The following MSI2 variants were observed in gnomAD, a reference collection of about 807,000 sequenced individuals.
MSI2 encodes RNA-binding protein Musashi homolog 2.
Under a neutral mutation model 45.6 loss-of-function variants are expected in MSI2, and 17 were observed. That is an observed-to-expected ratio of 0.37 (90% CI 0.26 to 0.56). MSI2 has a LOEUF of 0.56. Ranked by LOEUF, MSI2 falls within the 20% of genes least tolerant of loss-of-function variation. MSI2 has a pLI of 0.77. For synonymous variants in MSI2, 156 were observed against 158.2 expected (o/e 0.99, Z 0.11); for missense variants, 293 against 444.2 (o/e 0.66, Z 3.06).
At chr17:57,491,775 C>G (rs1053304818) in intron 6 of MSI2, among the ~76,000 whole-genome samples, 2 of 152,128 alleles carry the variant, frequency 1.3e-5, no homozygotes, top group Non-Finnish European at 2.9e-5. Flanking sequence ...CACGACTGCT[C>G]TAATGATAGG....
At chr17:57,500,589 G>A (rs1462215211) in intron 6 of MSI2, among the ~76,000 whole-genome samples, 4 of 151,788 alleles carry the variant, frequency 2.6e-5, no homozygotes, top group Non-Finnish European at 4.4e-5. Flanking sequence ...TGTAGGGTGT[G>A]TGTGTTGACC....
chr17:57,397,755 C>T (rs1019942585), intron 5 of MSI2, among the ~76,000 whole-genome samples: 1 of 152,222 alleles, frequency 6.6e-6, no homozygotes. Flanking sequence ...TGTGCACAGC[C>T]CTGTCGCCCC....
intron 6 of MSI2, among the ~76,000 whole-genome samples, chr17:57,435,044 G>A (rs1358521803): frequency 2.6e-5 from 4 of 152,170 alleles, no homozygotes; most frequent in African/African-American, 9.7e-5. Context: ...TCTTTGCTAT[G>A]AAGAAAATTT....
intron 5 of MSI2, among the ~76,000 whole-genome samples, chr17:57,297,788 A>C (rs1911107720): frequency 6.6e-6 from 1 of 152,186 alleles, no homozygotes; most frequent in Non-Finnish European, 1.5e-5. Context: ...CCTTCCCAAC[A>C]ACGTGCACAT....
chr17:57,364,438 A>G (rs2143920880), intron 5 of MSI2, among the ~76,000 whole-genome samples: 1 of 152,388 alleles, frequency 6.6e-6, no homozygotes, highest in Admixed American at 6.5e-5. Flanking sequence ...AGTTAAGTGC[A>G]GAAATTTAAT....
intron 5 of MSI2, among the ~76,000 whole-genome samples, chr17:57,315,077 T>C (rs950190631): frequency 6.6e-6 from 1 of 152,160 alleles, no homozygotes; most frequent in African/African-American, 2.4e-5. Flanking sequence ...AATTTTTCTG[T>C]GCAGCCAGGA....
the MSI2 span, among the ~76,000 whole-genome samples, chr17:57,698,740 G>C: frequency 2.7e-4 from 41 of 152,176 alleles, no homozygotes; most frequent in Middle Eastern, 0.01. Context: ...CATTTGAATG[G>C]GTAATACAGT....
intron 11 of MSI2, among the ~76,000 whole-genome samples, chr17:57,654,366 G>A (rs1911426422): frequency 6.6e-6 from 1 of 152,252 alleles, no homozygotes; most frequent in Non-Finnish European, 1.5e-5. Context: ...GTTTGGGAAA[G>A]GAAGCGTTCT....
chr17:57,332,174 C>G (rs748189459), intron 5 of MSI2, among the ~76,000 whole-genome samples: 2 of 150,166 alleles, frequency 1.3e-5, no homozygotes, highest in Non-Finnish European at 2.9e-5. Context: ...GATCTTGGCT[C>G]ACTGCAACCT....
chr17:57,396,974 G>T (rs7207993), intron 5 of MSI2, among the ~76,000 whole-genome samples: 4,884 of 152,190 alleles, frequency 0.032, 283 homozygotes, highest in African/African-American at 0.11. Context: ...AATGTTATCC[G>T]CAACCTCTCC....
intron 6 of MSI2, among the ~76,000 whole-genome samples, chr17:57,454,438 C>CTTTTT (rs35707042): frequency 5.4e-5 from 7 of 130,136 alleles, no homozygotes; most frequent in African/African-American, 1.4e-4. Context: ...TTTTCTCTTT[C>CTTTTT]TTTTTTTTTT....
intron 6 of MSI2, among the ~76,000 whole-genome samples, chr17:57,408,288 G>C (rs2084121388): frequency 6.6e-6 from 1 of 152,180 alleles, no homozygotes; most frequent in Admixed American, 6.5e-5. Context: ...GTTAGGCAAA[G>C]GCATCAGACA....
At chr17:57,296,279 T>A (rs1053558955) in intron 5 of MSI2, among the ~76,000 whole-genome samples, 1 of 152,204 alleles carries the variant, frequency 6.6e-6, no homozygotes, top group Non-Finnish European at 1.5e-5. Context: ...TAATTTTTTG[T>A]TAGGCTCCTC....
chr17:57,450,670 CAAAAAAAAAA>C (rs58773765), intron 6 of MSI2, among the ~76,000 whole-genome samples: 3 of 31,940 alleles, frequency 9.4e-5, no homozygotes, highest in African/African-American at 1.2e-4. Context: ...GACTGCATCT[CAAAAAAAAAA>C]AAAAAAAAAA....
chr17:57,421,378 C>T (rs937587013), intron 6 of MSI2, among the ~76,000 whole-genome samples: 3 of 152,184 alleles, frequency 2.0e-5, no homozygotes, highest in Non-Finnish European at 2.9e-5. Context: ...GAACATGGGG[C>T]GTGTGGAAGG....
intron 5 of MSI2, among the ~76,000 whole-genome samples, chr17:57,328,031 G>A (rs1913952392): frequency 6.6e-6 from 1 of 152,142 alleles, no homozygotes; most frequent in Non-Finnish European, 1.5e-5. Flanking sequence ...GGGGGAGTGG[G>A]TAGGGGACAC....
At chr17:57,496,770 G>A (rs1380316403) in intron 6 of MSI2, among the ~76,000 whole-genome samples, 1 of 152,232 alleles carries the variant, frequency 6.6e-6, no homozygotes, top group Non-Finnish European at 1.5e-5. Flanking sequence ...ACAGGGCAGG[G>A]CACCCAAGGG....
At chr17:57,462,157 C>T (rs2085243067) in intron 6 of MSI2, among the ~76,000 whole-genome samples, 2 of 152,234 alleles carry the variant, frequency 1.3e-5, no homozygotes, top group African/African-American at 4.8e-5. Context: ...TCACTCCAAT[C>T]TCTGCCTTCA....
chr17:57,293,595 G>GTTTTTTTTTTTTTTTTTTTTTT (rs71139983), intron 5 of MSI2, among the ~76,000 whole-genome samples: 3 of 134,684 alleles, frequency 2.2e-5, no homozygotes, highest in Non-Finnish European at 4.6e-5. Flanking sequence ...TTGTTTTTTT[G>GTTTTTTTTTTTTTTTTTTTTTT]TTTTTTTTTT....
Sources: allele counts gnomAD v4.1 joint callset (sites outside exome capture counted in the v4.1 genomes callset), GRCh38; gene constraint gnomAD v4.1.1; transcripts MANE v1.5; gene names NCBI Gene and HGNC (gene_info 2026-07-23, HGNC 2026-07-21).